Variants in LYN observed in about 807,000 individuals in gnomAD.
LYN encodes tyrosine-protein kinase Lyn.
In LYN, 12 loss-of-function variants were observed where a neutral mutation model predicts 65.0. The ratio of observed to expected loss-of-function variants is 0.18; its 90% confidence interval spans 0.12 to 0.30. The LOEUF is 0.30. Among genes scored for constraint, LYN ranks in the 10% least tolerant of loss-of-function variants. The probability of loss-of-function intolerance (pLI) is 1.00; values close to 1 mark genes in which losing one functional copy is unlikely to be tolerated. For missense variants in LYN, 380 were observed against 623.2 expected (o/e 0.61, Z 4.16); for synonymous variants, 222 against 221.2 (o/e 1.00, Z -0.03).
At chr8:55,950,135 T>C (rs148722355) in intron 4 of LYN, among the ~76,000 whole-genome samples, 5 of 152,376 alleles carry the variant, frequency 3.3e-5, no homozygotes, top group African/African-American at 1.2e-4. Flanking sequence ...AATACTCCAC[T>C]GGATGGATAT....
Position 56,010,174 on chromosome 8 carries a change from T to C in LYN, c.*64T>C, listed in dbSNP as rs1808776245. ...CTCATTTAGAGAGGAAAAGTAACCA[T>C]CACTGGTTGCACTTATGATTTCATG... On this transcript the variant is annotated 3_prime_UTR_variant, in exon 13 of 13. Coordinates refer to ENST00000519728, the MANE Select transcript of LYN (RefSeq NM_002350.4). 6.6e-7 allele frequency: 1 copy of C among 1,512,934 alleles called. No homozygotes were observed. The highest frequency in any genetic ancestry group is 9.2e-7 in the Non-Finnish European group (1 of 1,091,834). The allele number at this position is 1,512,934 out of a possible 1,614,324, so 93.7% of individuals were successfully genotyped here. A position where few individuals can be genotyped will look rare whatever the true frequency, so the allele number is the denominator to read the frequency against.
At chr8:55,945,750 G>A (rs184784032) in intron 2 of LYN, among the ~76,000 whole-genome samples, 39 of 152,300 alleles carry the variant, frequency 2.6e-4, no homozygotes, top group African/African-American at 9.1e-4. Flanking sequence ...TGAAATAACA[G>A]GGGATGCCAT....
intron 1 of LYN, among the ~76,000 whole-genome samples, chr8:55,913,501 T>G (rs1017984694): frequency 2.0e-5 from 3 of 152,204 alleles, no homozygotes; most frequent in South Asian, 4.1e-4. Flanking sequence ...ATTAAAGTTG[T>G]GCTTGCTGAA....
At chr8:55,918,243 A>G (rs1385126364) in intron 1 of LYN, among the ~76,000 whole-genome samples, 2 of 152,196 alleles carry the variant, frequency 1.3e-5, no homozygotes, top group African/African-American at 4.8e-5. Flanking sequence ...AGCCTCCCAC[A>G]GGCCTCTGAG....
intron 1 of LYN, among the ~76,000 whole-genome samples, chr8:55,934,637 C>T (rs1335808848): frequency 6.6e-6 from 1 of 152,178 alleles, no homozygotes; most frequent in Non-Finnish European, 1.5e-5. Context: ...GTCTTGACAC[C>T]CCTTTCCTCA....
At chr8:55,885,889 C>A (rs942840946) in intron 1 of LYN, among the ~76,000 whole-genome samples, 3 of 147,068 alleles carry the variant, frequency 2.0e-5, no homozygotes, top group African/African-American at 7.4e-5. Flanking sequence ...CCCAATGCTG[C>A]GTTTTCCTCG....
intron 1 of LYN, among the ~76,000 whole-genome samples, chr8:55,932,960 T>C (rs1806312864): frequency 6.6e-6 from 1 of 152,094 alleles, no homozygotes; most frequent in Admixed American, 6.6e-5. Flanking sequence ...GGGAGACTAC[T>C]AAAGTGGGGG....
intron 1 of LYN, among the ~76,000 whole-genome samples, chr8:55,919,392 G>C (rs1374363962): frequency 6.6e-6 from 1 of 152,088 alleles, no homozygotes; most frequent in Non-Finnish European, 1.5e-5. Flanking sequence ...AAATATGAAT[G>C]CTCTGTTAAT....
chr8:55,918,299 C>T lies in LYN; in HGVS notation c.-5-23556C>T, dbSNP rs966695184. 2.0e-5 allele frequency among the ~76,000 whole-genome samples: 3 copies of T among 152,222 alleles called. No individual in the cohort carries two copies. In the South Asian group the frequency reaches 6.2e-4, roughly 31 times the overall value. ...CTCTCCTGTTAACCTGCCTTTATTT[C>T]CTTAATTGCACTTATCACCATGCAG... is the stretch of plus-strand genomic sequence containing the variant. On this transcript the variant is annotated intron_variant, in intron 1 of 12. Transcript: ENST00000519728.
chr8:55,916,644 A>G (rs1805787856), intron 1 of LYN, among the ~76,000 whole-genome samples: 2 of 152,024 alleles, frequency 1.3e-5, no homozygotes, highest in African/African-American at 4.8e-5. Context: ...GAATTCCACA[A>G]TGCCTCTCCC....
intron 12 of LYN, among the ~76,000 whole-genome samples, chr8:56,004,461 T>G (rs1192358328): frequency 6.6e-6 from 1 of 151,370 alleles, no homozygotes; most frequent in Non-Finnish European, 1.5e-5. Flanking sequence ...GCCCAGCTAA[T>G]TTTTGTATTT....
intron 1 of LYN, among the ~76,000 whole-genome samples, chr8:55,935,418 A>C (rs572069979): frequency 1.4e-4 from 22 of 152,254 alleles, no homozygotes; most frequent in Middle Eastern, 6.8e-3. Context: ...GTAAGGCAAA[A>C]AATCTTAGTT....
chr8:55,953,961 G>A lies in LYN; in HGVS notation c.767G>A (p.Gly256Glu). Residue 256 changes from glycine (G) to glutamate (E), a missense_variant, in exon 8 of 13, where the codon GGG (glycine) becomes GAG (glutamate). Physicochemically the swap from Gly to Glu is moderately conservative, Grantham distance 98. Coordinates refer to ENST00000519728, the MANE Select transcript of LYN (RefSeq NM_002350.4). ...SIKLVKRLGA[G>E]QFGEVWMGYY... ...AAGTTGGTGAAAAGGCTTGGCGCTG[G>A]GCAGTTTGGGGAAGTCTGGATGGGT... The A allele has an allele frequency of 6.2e-7, 1 of 1,614,070 alleles. No individual in the cohort carries two copies. Among genetic ancestry groups the A allele is most frequent in the Non-Finnish European group, 8.5e-7 (1 of 1,179,966 alleles).
intron 1 of LYN, among the ~76,000 whole-genome samples, chr8:55,931,739 A>G (rs1806277343): frequency 6.6e-6 from 1 of 152,074 alleles, no homozygotes; most frequent in Non-Finnish European, 1.5e-5. Flanking sequence ...TTTGTGTTGA[A>G]GTATCATGTT....
chr8:55,916,506 A>G (rs1224771268), intron 1 of LYN, among the ~76,000 whole-genome samples: 1 of 152,210 alleles, frequency 6.6e-6, no homozygotes, highest in Admixed American at 6.5e-5. Flanking sequence ...AGCAGTGAAG[A>G]CATGTATCTA....
rs760434036 is a variant in LYN, at chr8:55,969,713, A to G, written c.974-4A>G. ...GCACTAACTTGTTCTTTCTTTCTCC[A>G]TAGGCAGTTTGCTGGATTTCCTGAA... On this transcript the variant is annotated splice_region_variant and splice_polypyrimidine_tract_variant and intron_variant, in intron 9 of 12. Transcript: ENST00000519728. The G allele has an allele frequency of 1.2e-6, 2 of 1,612,384 alleles. No homozygotes were observed. The highest frequency in any genetic ancestry group is 1.1e-5 in the South Asian group (1 of 91,052).
In LYN at chr8:55,969,910, G is replaced by A. The variant is rs1352038957; in HGVS notation, c.1050+117G>A. 2.4e-5 allele frequency: 21 copies of A among 891,848 alleles called. No individual in the cohort carries two copies. The East Asian group carries it at 5.1e-4, about 22-fold the overall frequency. 55.2% of individuals were successfully genotyped at this position (891,848 alleles called of 1,614,324 possible). A position where few individuals can be genotyped will look rare whatever the true frequency, so the allele number is the denominator to read the frequency against. On this transcript the variant is annotated intron_variant, in intron 10 of 12. Coordinates refer to ENST00000519728, the MANE Select transcript of LYN (RefSeq NM_002350.4). Reference sequence around the variant, plus strand: ...AATTTCTGTTGAATGTTTCCCAGCAGCAGTTATGAGAAAAAGACCTTCCAC... The same window carrying A: ...AATTTCTGTTGAATGTTTCCCAGCAACAGTTATGAGAAAAAGACCTTCCAC...
At chr8:55,885,714 A>G (rs2130349773) in intron 1 of LYN, among the ~76,000 whole-genome samples, 1 of 152,250 alleles carries the variant, frequency 6.6e-6, no homozygotes, top group Non-Finnish European at 1.5e-5. Context: ...GGCTCTCTGG[A>G]GAGGGAGGAC....
At position 56,013,166 on chromosome 8, in the gene LYN, A is replaced by C. The variant is rs1369239787; in HGVS notation, c.*3056A>C. Reference sequence around the variant, plus strand: ...AAAGGATAATAACTAAAAGGAGGGAATTAATTTTGTTGCCTACACCAGGGA... The same window carrying C: ...AAAGGATAATAACTAAAAGGAGGGACTTAATTTTGTTGCCTACACCAGGGA... On this transcript the variant is annotated 3_prime_UTR_variant, in exon 13 of 13. Coordinates refer to ENST00000519728, the MANE Select transcript of LYN (RefSeq NM_002350.4). 3 of 152,180 alleles carry C rather than the reference A, an allele frequency of 2.0e-5. No individual in the cohort carries two copies. The highest frequency in any genetic ancestry group is 7.2e-5 in the African/African-American group (3 of 41,448). The allele number at this position is 152,180 out of a possible 1,614,324, so 9.4% of individuals were successfully genotyped here.
Sources: gnomAD v4.1 joint callset for allele counts (sites outside exome capture counted in the v4.1 genomes callset) on GRCh38, gnomAD v4.1.1 for gene constraint, MANE v1.5 for transcripts, NCBI Gene and HGNC (gene_info 2026-07-23, HGNC 2026-07-21) for gene names.